FMO4: variants seen among roughly 807,000 people sequenced by gnomAD.
FMO4 encodes the protein flavin containing dimethylaniline monoxygenase 4, also known as dimethylaniline monooxygenase [N-oxide-forming] 4.
A neutral mutation model predicts 43.3 loss-of-function variants in FMO4; 38 were observed. That is an observed-to-expected ratio of 0.88 (90% CI 0.68 to 1.15). The LOEUF is 1.15. Ranked by LOEUF, FMO4 falls within the 50% of genes most tolerant of loss-of-function variation. The pLI is 0.00. For missense variants in FMO4, 631 were observed against 663.3 expected, an observed-to-expected ratio of 0.95 and a Z score of 0.54; for synonymous variants, 224 against 232.2, an observed-to-expected ratio of 0.96 and a Z score of 0.32.
At chr1:171,321,276 TTAG>T (rs1662411789) in intron 3 of FMO4, among the ~76,000 whole-genome samples, 1 of 152,024 alleles carries the variant, frequency 6.6e-6, no homozygotes, top group Admixed American at 6.6e-5. Flanking sequence ...TACTCACAAA[TTAG>T]TACTATTAAC....
intron 6 of FMO4, among the ~76,000 whole-genome samples, chr1:171,332,305 G>C (rs924461806): frequency 6.6e-6 from 1 of 152,042 alleles, no homozygotes; most frequent in East Asian, 1.9e-4. Context: ...GAAATCTATT[G>C]CACTTTAGCA....
intron 9 of FMO4, among the ~76,000 whole-genome samples, chr1:171,339,730 A>G (rs1179699074): frequency 6.6e-6 from 1 of 152,200 alleles, no homozygotes; most frequent in Non-Finnish European, 1.5e-5. Flanking sequence ...GTCAAAGAAG[A>G]AGGCTGTTCA....
chr1:171,323,993 C>T, intron 4 of FMO4, 145 bp from the exon 5 acceptor site: 1 of 671,254 alleles, frequency 1.5e-6, no homozygotes, highest in Non-Finnish European at 2.4e-6. Context: ...TACTTAACTT[C>T]TCTAGGAAGA....
intron 5 of FMO4, among the ~76,000 whole-genome samples, chr1:171,330,575 G>C (rs2267533): frequency 0.29 from 43,436 of 152,102 alleles, 6,353 homozygotes; most frequent in South Asian, 0.39. Context: ...AGGCAAGAGA[G>C]AGAGCATGCC....
In FMO4 at chr1:171,324,175, C is replaced by G; in HGVS notation, c.359C>G (p.Ser120Cys). 1 of 1,613,398 alleles carries G rather than the reference C, an allele frequency of 6.2e-7. No homozygotes were observed. Among genetic ancestry groups the G allele is most frequent in the Non-Finnish European group, 8.5e-7 (1 of 1,179,676 alleles). ...AGCATAACGAAGCGTCCAGACTTCT[C>G]CGAAACTGGTCAGTGGGATGTTGTC... Reference protein sequence around the residue: ...VCSITKRPDFSETGQWDVVTE... With the variant: ...VCSITKRPDFCETGQWDVVTE... Residue 120 changes from serine (S) to cysteine (C), a missense_variant, in exon 5 of 10, where the codon TCC (serine) becomes TGC (cysteine). By Grantham distance (112) the Ser-to-Cys change is moderately radical. Coordinates refer to ENST00000367749, the MANE Select transcript of FMO4 (RefSeq NM_002022.3).
chr1:171,319,709 C>T, intron 2 of FMO4, 109 bp from the exon 3 acceptor site: 1 of 868,102 alleles, frequency 1.2e-6, no homozygotes, highest in Non-Finnish European at 1.8e-6. Flanking sequence ...TGCCCCCACT[C>T]AAAGATGAAA....
At chr1:171,319,091 C>T (rs886197266) in intron 2 of FMO4, among the ~76,000 whole-genome samples, 7 of 152,162 alleles carry the variant, frequency 4.6e-5, no homozygotes, top group African/African-American at 1.4e-4. Context: ...CCTTTTGGTA[C>T]CCAGGTCCTT....
chr1:171,339,772 G>A (rs1375008896), intron 9 of FMO4, among the ~76,000 whole-genome samples: 2 of 152,208 alleles, frequency 1.3e-5, no homozygotes, highest in South Asian at 4.1e-4. Context: ...GAAGCTGGAA[G>A]TTCAAGCCAC....
At chr1:171,314,736 C>G (rs1331191165) in intron 1 of FMO4, among the ~76,000 whole-genome samples, 1 of 152,072 alleles carries the variant, frequency 6.6e-6, no homozygotes, top group Non-Finnish European at 1.5e-5. Flanking sequence ...CATTGGGAAA[C>G]AAATACCCCA....
intron 7 of FMO4, 65 bp downstream of exon 7, chr1:171,332,973 G>T: frequency 1.2e-6 from 1 of 812,800 alleles, no homozygotes; most frequent in Admixed American, 2.1e-5. Context: ...ATTTTATTCA[G>T]AATTCAAAAT....
chr1:171,328,582 G>A (rs997039602), intron 5 of FMO4, among the ~76,000 whole-genome samples: 1 of 151,824 alleles, frequency 6.6e-6, no homozygotes, highest in Admixed American at 6.5e-5. Context: ...CCTGGGAGGC[G>A]GAGGTTGCAG....
chr1:171,324,389 T>G, intron 5 of FMO4, 89 bp downstream of exon 5: 1 of 969,866 alleles, frequency 1.0e-6, no homozygotes, highest in Non-Finnish European at 1.5e-6. Flanking sequence ...TACCGCCCCA[T>G]GATTATAGAT....
intron 5 of FMO4, among the ~76,000 whole-genome samples, chr1:171,329,294 G>C (rs925138010): frequency 1.3e-5 from 2 of 152,120 alleles, no homozygotes; most frequent in Admixed American, 1.3e-4. Context: ...GAGACGCTTT[G>C]TTACTGGGGA....
chr1:171,320,130 G>A (rs886273613), intron 3 of FMO4, among the ~76,000 whole-genome samples, 173 bp downstream of exon 3: 12 of 152,198 alleles, frequency 7.9e-5, no homozygotes, highest in Non-Finnish European at 2.9e-5. Flanking sequence ...GATTGGTGAG[G>A]AATCTTGAGA....
chr1:171,339,543 T>C (rs1277830308), intron 9 of FMO4, among the ~76,000 whole-genome samples: 1 of 152,170 alleles, frequency 6.6e-6, no homozygotes, highest in Non-Finnish European at 1.5e-5. Flanking sequence ...ATCGAGCTGT[T>C]GCAATTCTTT....
At chr1:171,337,295 A>G in intron 8 of FMO4, 61 bp from the exon 9 acceptor site, 2 of 1,109,850 alleles carry the variant, frequency 1.8e-6, no homozygotes, top group Admixed American at 3.4e-5. Flanking sequence ...GAGTGGGTGG[A>G]GAATTTAAAT....
At chr1:171,318,869 G>A (rs1246284523) in intron 2 of FMO4, among the ~76,000 whole-genome samples, 1 of 152,204 alleles carries the variant, frequency 6.6e-6, no homozygotes, top group Non-Finnish European at 1.5e-5. Context: ...TTGCTACAGG[G>A]GTGTGGCTTG....
At position 171,323,027 on chromosome 1, in the gene FMO4, C is replaced by T. The variant is rs779893034; in HGVS notation, c.156C>T (p.Thr52=). The change falls in exon 4 of 10, where the codon ACC becomes ACT. Residue 52 remains threonine, a synonymous_variant. Transcript: ENST00000367749. ...AGGAATCTTCCAAAGATGGGATGACCAGGGTCTATAAGTCATTAGTGACAA... is the reference window on the plus strand; with the variant it reads ...AGGAATCTTCCAAAGATGGGATGACTAGGGTCTATAAGTCATTAGTGACAA... The part of the protein sequence containing the change: ...KFTESSKDGM[T]RVYKSLVTNV... 21 of 1,612,858 alleles carry T rather than the reference C, an allele frequency of 1.3e-5. No individual in the cohort carries two copies. The East Asian group carries it at 4.2e-4, about 33-fold the overall frequency.
intron 5 of FMO4, among the ~76,000 whole-genome samples, chr1:171,329,358 C>G (rs183252926): frequency 1.3e-5 from 2 of 152,254 alleles, no homozygotes; most frequent in Middle Eastern, 6.8e-3. Flanking sequence ...TGGCTACCTA[C>G]AACTCTCTAA....
Sources: gnomAD v4.1 joint callset for allele counts (sites outside exome capture counted in the v4.1 genomes callset) on GRCh38, gnomAD v4.1.1 for gene constraint, MANE v1.5 for transcripts, NCBI Gene and HGNC (gene_info 2026-07-23, HGNC 2026-07-21) for gene names.